USP24: variants seen among roughly 807,000 people sequenced by gnomAD.
The protein encoded by USP24 is ubiquitin specific peptidase 24.
In USP24, 97 loss-of-function variants were observed where a neutral mutation model predicts 361.6. The observed-to-expected ratio is 0.27, with a 90% CI of 0.23 to 0.32. The LOEUF (loss-of-function observed/expected upper bound fraction) is 0.32. USP24 is among the 10% of genes least tolerant of loss of function. The pLI is 1.00. For synonymous variants in USP24, 1,098 were observed against 1,124.6 expected (o/e 0.98, Z 0.47); for missense variants, 2,353 against 3,165.6 (o/e 0.74, Z 6.16).
At chr1:55,099,388 C>T (rs371658253) in intron 45 of USP24, among the ~76,000 whole-genome samples, 2 of 152,014 alleles carry the variant, frequency 1.3e-5, no homozygotes, top group Non-Finnish European at 1.5e-5. Context: ...GAAACCCAAT[C>T]TCTGCCAAAA....
chr1:55,190,619 T>C (rs1380228543), intron 1 of USP24, among the ~76,000 whole-genome samples: 4 of 152,226 alleles, frequency 2.6e-5, no homozygotes, highest in African/African-American at 4.8e-5. Flanking sequence ...AAAGTAACCA[T>C]TAATGGTCAC....
chr1:55,115,495 C>CAAAAAAAAAAAAAAA lies in USP24; in HGVS notation c.4508+5086_4508+5100dup, dbSNP rs1165658382. Among the ~76,000 whole-genome samples the CAAAAAAAAAAAAAAA allele has an allele frequency of 6.3e-4, 29 of 45,840 alleles. 1 individual carries two copies. The highest frequency in any genetic ancestry group is 1.9e-3 in the African/African-American group (28 of 14,626). 30.1% of individuals were successfully genotyped at this position (45,840 alleles called of 152,430 possible). The stretch of plus-strand genomic sequence containing the variant: ...TGGGCGACAGAGCGAGACTCCGCCT[C>CAAAAAAAAAAAAAAA]AAAAAAAAAAAAAAAAAAAAAGGAA... On this transcript the variant is annotated intron_variant, in intron 38 of 67. Transcript: ENST00000294383.
In USP24 at chr1:55,124,495, C is replaced by G; in HGVS notation, c.4094G>C (p.Gly1365Ala). 1 of 1,612,880 alleles carries G rather than the reference C, an allele frequency of 6.2e-7. No individual in the cohort carries two copies. The highest frequency in any genetic ancestry group is 8.5e-7 in the Non-Finnish European group (1 of 1,179,408). The stretch of plus-strand genomic sequence containing the variant: ...TGAACTGCTGAGTCTGTTTCGAATT[C>G]CAGCAGGACACAGGGAATTACTTTC... ...IKESNSLCPAGIRNRLSSSGS... is the reference protein window; with the variant it reads ...IKESNSLCPAAIRNRLSSSGS... The change falls in exon 35 of 68, where the codon GGA becomes GCA. Residue 1365 changes from glycine to alanine, a missense_variant. Physicochemically the swap from Gly to Ala is moderately conservative, Grantham distance 60. Transcript: ENST00000294383.
intron 10 of USP24, among the ~76,000 whole-genome samples, chr1:55,158,512 T>C (rs1260950964): frequency 6.6e-6 from 1 of 152,204 alleles, no homozygotes; most frequent in Non-Finnish European, 1.5e-5. Flanking sequence ...CTGCAGTCAT[T>C]TAGTTTTTGT....
chr1:55,197,858 T>C (rs988451751), intron 1 of USP24, among the ~76,000 whole-genome samples: 1 of 152,236 alleles, frequency 6.6e-6, no homozygotes, highest in Non-Finnish European at 1.5e-5. Context: ...ATACCTTACC[T>C]GACCACAATT....
At chr1:55,116,071 G>T (rs1646107009) in intron 38 of USP24, among the ~76,000 whole-genome samples, 1 of 152,182 alleles carries the variant, frequency 6.6e-6, no homozygotes, top group South Asian at 2.1e-4. Flanking sequence ...TAATGTAGAT[G>T]ACGGGTTGAT....
intron 19 of USP24, 82 bp from the exon 20 acceptor site, chr1:55,146,191 C>T (rs1157692844): frequency 1.8e-5 from 17 of 932,062 alleles, no homozygotes; most frequent in Non-Finnish European, 2.7e-5. Context: ...AGTAAAGATA[C>T]ATTTTAATAC....
chr1:55,215,218 G>A lies in USP24; in HGVS notation c.-105C>T, dbSNP rs1184438367. The A allele has an allele frequency of 1.0e-6, 1 of 991,880 alleles. No homozygotes were observed. Among genetic ancestry groups the A allele is most frequent in the Non-Finnish European group, 1.3e-6 (1 of 781,930 alleles). The allele number at this position is 991,880 out of a possible 1,614,324, so 61.4% of individuals were successfully genotyped here. A position where few individuals can be genotyped will look rare whatever the true frequency, so the allele number is the denominator to read the frequency against. ...TCCGCGCCGCCTCCGCGCCCAGGTT[G>A]GCCCCTGCGTTCCTGCCCCGGGTGC... On this transcript the variant is annotated 5_prime_UTR_variant, in exon 1 of 68. Coordinates refer to ENST00000294383, the MANE Select transcript of USP24 (RefSeq NM_015306.3).
Position 55,139,224 on chromosome 1 carries a change from C to T in USP24, c.2751-214G>A, listed in dbSNP as rs548194236. The stretch of plus-strand genomic sequence containing the variant: ...AGATGGAATAAGGGAGAAGCCTATA[C>T]CTCCCCATGTTTCCTTTCCTTTTCT... On this transcript the variant is annotated intron_variant, in intron 24 of 67. Coordinates refer to ENST00000294383, the MANE Select transcript of USP24 (RefSeq NM_015306.3). 3.0e-4 allele frequency among the ~76,000 whole-genome samples: 46 copies of T among 152,292 alleles called. 1 individual carries two copies. The highest frequency in any genetic ancestry group is 3.4e-3 in the Middle Eastern group (1 of 294).
intron 1 of USP24, among the ~76,000 whole-genome samples, chr1:55,190,164 C>A (rs1281992656): frequency 6.0e-3 from 471 of 78,448 alleles, no homozygotes; most frequent in African/African-American, 0.011. Flanking sequence ...GACTCCATCT[C>A]AAAAAAAAAA....
At chr1:55,199,588 AGTGTGTGTGTGT>A (rs55710750) in intron 1 of USP24, among the ~76,000 whole-genome samples, 15 of 146,494 alleles carry the variant, frequency 1.0e-4, no homozygotes, top group Admixed American at 2.7e-4. Flanking sequence ...GTTCAGAAAA[AGTGTGTGTGTGT>A]GTGTGTGTGT....
chr1:55,178,236 T>C (rs1425699380), intron 1 of USP24, 104 bp from the exon 2 acceptor site: 3 of 1,130,458 alleles, frequency 2.7e-6, no homozygotes, highest in Non-Finnish European at 3.8e-6. Flanking sequence ...TGGTAGCTAT[T>C]AATACCAATA....
chr1:55,137,813 T>C lies in USP24; in HGVS notation c.3020A>G (p.Asp1007Gly), dbSNP rs540464745. 1.3e-6 allele frequency: 2 copies of C among 1,583,370 alleles called. No homozygotes were observed. Among genetic ancestry groups the C allele is most frequent in the East Asian group, 2.3e-5 (1 of 43,326 alleles). Residue 1007 changes from aspartate (D) to glycine (G), a missense_variant, in exon 27 of 68, where the codon GAT becomes GGT. Physicochemically the swap from Asp to Gly is moderately conservative, Grantham distance 94 (BLOSUM62 -1). Coordinates refer to ENST00000294383, the MANE Select transcript of USP24 (RefSeq NM_015306.3). ...PVDNIQIFTNDSLLTVNKDQK... is the reference protein window; with the variant it reads ...PVDNIQIFTNGSLLTVNKDQK... ...CTGCTTATTTAAACCTACCAGGCTA[T>C]CATTTGTAAATATCTGTATATTATC... is the stretch of plus-strand genomic sequence containing the variant.
intron 1 of USP24, among the ~76,000 whole-genome samples, chr1:55,211,370 A>C (rs1644842453): frequency 6.6e-6 from 1 of 152,214 alleles, no homozygotes; most frequent in South Asian, 2.1e-4. Flanking sequence ...GACCAAGAAC[A>C]TTTACATCCA....
chr1:55,141,499 C>A, intron 24 of USP24, 117 bp downstream of exon 24: 1 of 950,784 alleles, frequency 1.1e-6, no homozygotes. Flanking sequence ...TGACAGCTTG[C>A]AAAAATTATG....
intron 62 of USP24, 56 bp from the exon 63 acceptor site, chr1:55,075,579 C>T (rs1173625845): frequency 2.0e-5 from 27 of 1,323,822 alleles, no homozygotes; most frequent in Middle Eastern, 2.2e-4. Context: ...GTCATAGCCA[C>T]GGGTGCTTTC....
At chr1:55,144,010 G>C in intron 21 of USP24, 117 bp downstream of exon 21, 2 of 767,080 alleles carry the variant, frequency 2.6e-6, no homozygotes, top group Middle Eastern at 6.8e-4. Context: ...TCAAGGAGAT[G>C]CTGTTCTTTA....
At chr1:55,129,410 G>A in intron 32 of USP24, 67 bp downstream of exon 32, 3 of 1,337,678 alleles carry the variant, frequency 2.2e-6, no homozygotes, top group Non-Finnish European at 2.1e-6. Flanking sequence ...GACTTTGCAG[G>A]GGAAATTAAC....
chr1:55,078,693 A>G (rs767329919), intron 60 of USP24, 42 bp from the exon 61 acceptor site: 1 of 1,484,046 alleles, frequency 6.7e-7, no homozygotes. Flanking sequence ...CTCATGTCAC[A>G]GTTAACACTC....
Sources: gnomAD v4.1 joint callset for allele counts (sites outside exome capture counted in the v4.1 genomes callset) on GRCh38, gnomAD v4.1.1 for gene constraint, MANE v1.5 for transcripts, NCBI Gene and HGNC (gene_info 2026-07-23, HGNC 2026-07-21) for gene names.